The following ITPR1 variants were observed in gnomAD, a reference collection of about 807,000 sequenced individuals.
ITPR1 encodes the protein inositol 1,4,5-trisphosphate receptor type 1, also known as inositol 1,4,5-trisphosphate-gated calcium channel ITPR1.
A neutral mutation model predicts 318.4 loss-of-function variants in ITPR1; 96 were observed. The ratio of observed to expected loss-of-function variants is 0.30; its 90% CI spans 0.26 to 0.36. The LOEUF (loss-of-function observed/expected upper bound fraction) is 0.36. Ranked by LOEUF, ITPR1 falls within the 10% of genes least tolerant of loss-of-function variation. The pLI is 1.00. For missense variants in ITPR1, 2,440 were observed against 3,460.2 expected (o/e 0.71, Z 7.40); for synonymous variants, 1,312 against 1,289.9 (o/e 1.02, Z -0.37).
chr3:4,658,503 GC>G (rs756138326), intron 13 of ITPR1, among the ~76,000 whole-genome samples: 10 of 151,576 alleles, frequency 6.6e-5, no homozygotes, highest in Non-Finnish European at 1.5e-4. Flanking sequence ...AGGTAAACAA[GC>G]CAAACCATAA....
At chr3:4,537,757 A>G (rs1481102008) in intron 4 of ITPR1, among the ~76,000 whole-genome samples, 2 of 152,244 alleles carry the variant, frequency 1.3e-5, no homozygotes, top group Admixed American at 6.5e-5. Flanking sequence ...AGAGGAATGC[A>G]GCCCTGCTGA....
chr3:4,631,885 C>G (rs2093026290), intron 5 of ITPR1, among the ~76,000 whole-genome samples: 1 of 152,138 alleles, frequency 6.6e-6, no homozygotes, highest in African/African-American at 2.4e-5. Flanking sequence ...AACCTGAGCT[C>G]AAACGATCCT....
chr3:4,536,420 C>T (rs2083880291), intron 4 of ITPR1, among the ~76,000 whole-genome samples: 1 of 152,178 alleles, frequency 6.6e-6, no homozygotes, highest in African/African-American at 2.4e-5. Flanking sequence ...TCAACTATTG[C>T]AATGGAAAAT....
intron 45 of ITPR1, 34 bp downstream of exon 45, chr3:4,766,744 A>G (rs1559859771): frequency 6.6e-7 from 1 of 1,524,332 alleles, no homozygotes; most frequent in South Asian, 1.3e-5. Flanking sequence ...CAGCTGGATC[A>G]TGAACACCAG....
chr3:4,633,463 C>G (rs1270797673), intron 5 of ITPR1, among the ~76,000 whole-genome samples: 2 of 152,136 alleles, frequency 1.3e-5, no homozygotes, highest in African/African-American at 2.4e-5. Context: ...ATGCAGCACC[C>G]CAATCAGAAG....
chr3:4,744,894 CTCCCTCCTTCCT>C (rs1559817183), intron 44 of ITPR1, among the ~76,000 whole-genome samples: 4 of 112,276 alleles, frequency 3.6e-5, no homozygotes, highest in Non-Finnish European at 5.3e-5. Flanking sequence ...CTCTGTCTCC[CTCCCTCCTTCCT>C]TCCTTCCTTC....
At chr3:4,665,771 C>G (rs1453424818) in intron 17 of ITPR1, among the ~76,000 whole-genome samples, 3 of 152,098 alleles carry the variant, frequency 2.0e-5, no homozygotes, top group African/African-American at 4.8e-5. Context: ...ACATATTATA[C>G]ATAGTATATG....
At chr3:4,828,535 C>T (rs1197762476) in intron 60 of ITPR1, among the ~76,000 whole-genome samples, 1 of 152,170 alleles carries the variant, frequency 6.6e-6, no homozygotes, top group Admixed American at 6.5e-5. Context: ...CTCAGCCTGG[C>T]AGCCTAGGTG....
At chr3:4,834,532 T>C (rs1170702359) in intron 60 of ITPR1, among the ~76,000 whole-genome samples, 2 of 152,074 alleles carry the variant, frequency 1.3e-5, no homozygotes, top group Non-Finnish European at 2.9e-5. Flanking sequence ...TCATCCCTCC[T>C]CCCCTCGCCC....
rs866082805 is a variant in ITPR1, at chr3:4,613,737, A to G, written c.164-14026A>G. On this transcript the variant is annotated intron_variant, in intron 4 of 61. Coordinates refer to ENST00000649015, the MANE Select transcript of ITPR1 (RefSeq NM_001378452.1). The stretch of plus-strand genomic sequence containing the variant: ...AAATTTGTTTTCCATTATCAGCAGG[A>G]TCATCCTTCTTTTCATGGGGACATG... Among the ~76,000 whole-genome samples, 10 of 152,162 alleles carry G rather than the reference A, an allele frequency of 6.6e-5. 1 individual carries two copies. The highest frequency in any genetic ancestry group is 1.0e-4 in the Non-Finnish European group (7 of 68,036).
intron 40 of ITPR1, among the ~76,000 whole-genome samples, chr3:4,725,142 C>A (rs907385667): frequency 2.0e-5 from 3 of 151,988 alleles, no homozygotes; most frequent in African/African-American, 7.3e-5. Flanking sequence ...GCTTTCATCA[C>A]TACCCCTGCT....
chr3:4,587,553 G>A (rs545229824), intron 4 of ITPR1, among the ~76,000 whole-genome samples: 7 of 152,284 alleles, frequency 4.6e-5, no homozygotes, highest in African/African-American at 1.4e-4. Context: ...TTACAGGCAT[G>A]AGCCACCCTG....
chr3:4,496,407 A>G (rs1332759894), intron 2 of ITPR1, among the ~76,000 whole-genome samples: 5 of 152,172 alleles, frequency 3.3e-5, no homozygotes, highest in African/African-American at 1.2e-4. Flanking sequence ...TCCTTTCAAG[A>G]TATCATTCTT....
intron 5 of ITPR1, among the ~76,000 whole-genome samples, chr3:4,635,614 GGA>G (rs970836579): frequency 5.3e-5 from 8 of 152,018 alleles, no homozygotes; most frequent in African/African-American, 1.7e-4. Flanking sequence ...CAAAGTGCTG[GGA>G]TTACAGGCAT....
At chr3:4,680,017 C>A (rs1455241598) in intron 24 of ITPR1, among the ~76,000 whole-genome samples, 3 of 152,024 alleles carry the variant, frequency 2.0e-5, no homozygotes, top group African/African-American at 7.2e-5. Context: ...GAAAAGTGAC[C>A]CTGTGTTGGA....
chr3:4,716,724 A>G (rs186554406), intron 39 of ITPR1, among the ~76,000 whole-genome samples: 90 of 152,374 alleles, frequency 5.9e-4, no homozygotes, highest in African/African-American at 2.1e-3. Context: ...TCCTTAAACA[A>G]GCGTAATTGT....
At chr3:4,542,603 A>G (rs2084564250) in intron 4 of ITPR1, among the ~76,000 whole-genome samples, 1 of 146,040 alleles carries the variant, frequency 6.8e-6, no homozygotes, top group Non-Finnish European at 1.5e-5. Context: ...TTCACAAACA[A>G]GTTACCTTGC....
chr3:4,828,285 C>T (rs549681602), intron 60 of ITPR1, among the ~76,000 whole-genome samples: 17 of 152,258 alleles, frequency 1.1e-4, no homozygotes, highest in Admixed American at 3.3e-4. Flanking sequence ...AAGAAAACCA[C>T]GAAAATTGCT....
chr3:4,557,878 C>G (rs960027673), intron 4 of ITPR1, among the ~76,000 whole-genome samples: 2 of 152,152 alleles, frequency 1.3e-5, no homozygotes, highest in African/African-American at 4.8e-5. Flanking sequence ...TATTTTAGCG[C>G]TCACTATAAA....
Sources: allele counts gnomAD v4.1 joint callset (sites outside exome capture counted in the v4.1 genomes callset), GRCh38; gene constraint gnomAD v4.1.1; transcripts MANE v1.5; gene names NCBI Gene and HGNC (gene_info 2026-07-23, HGNC 2026-07-21).